Variants in CDH13 observed in about 807,000 individuals in gnomAD.
CDH13 encodes cadherin 13, also known as cadherin-13.
In CDH13, 24 loss-of-function variants were observed where a neutral mutation model predicts 63.8. The observed-to-expected ratio is 0.38, with a 90% CI of 0.27 to 0.53. CDH13 has a LOEUF of 0.53. Ranked by LOEUF, CDH13 falls within the 20% of genes least tolerant of loss-of-function variation. The pLI is 0.85. For missense variants in CDH13, 1,049 were observed against 903.1 expected, an observed-to-expected ratio of 1.16 and a Z score of -2.07; for synonymous variants, 503 against 355.3, an observed-to-expected ratio of 1.42 and a Z score of -4.67.
intron 3 of CDH13, among the ~76,000 whole-genome samples, chr16:83,092,088 A>C (rs986060386): frequency 2.6e-5 from 4 of 152,254 alleles, no homozygotes; most frequent in African/African-American, 9.6e-5. Flanking sequence ...GAACCATGAA[A>C]TAATAAGTAA....
At chr16:82,788,682 G>A (rs917456600) in intron 1 of CDH13, among the ~76,000 whole-genome samples, 2 of 152,190 alleles carry the variant, frequency 1.3e-5, no homozygotes, top group African/African-American at 4.8e-5. Context: ...GAATTTGGCA[G>A]AAGCCAGCAG....
chr16:82,648,853 A>G (rs899185870), intron 1 of CDH13, among the ~76,000 whole-genome samples: 1 of 152,234 alleles, frequency 6.6e-6, no homozygotes, highest in African/African-American at 2.4e-5. Context: ...TTTCAGAAAA[A>G]TTAATCTGGG....
chr16:82,776,069 G>A (rs1157435388), intron 1 of CDH13, among the ~76,000 whole-genome samples: 2 of 152,126 alleles, frequency 1.3e-5, no homozygotes, highest in African/African-American at 4.8e-5. Flanking sequence ...AATTAGCTGA[G>A]GACAGTGGTG....
At chr16:83,111,888 C>T (rs1029998245) in intron 3 of CDH13, among the ~76,000 whole-genome samples, 1 of 152,118 alleles carries the variant, frequency 6.6e-6, no homozygotes, top group African/African-American at 2.4e-5. Flanking sequence ...AGCATTCAGT[C>T]TTGTTTTCCT....
rs147259586 is a variant in CDH13 at position 83,114,777 on chromosome 16, G to A, written c.367-10608G>A. 7.2e-5 allele frequency among the ~76,000 whole-genome samples: 11 copies of A among 152,264 alleles called. No homozygotes were observed. The East Asian group carries it at 2.1e-3, about 29-fold the overall frequency. ...AGTAGGCAAACTTCAGCCCCAGGAG[G>A]CAATGAAGCAAACTTTAAATGTAGC... On this transcript the variant is annotated intron_variant, in intron 3 of 13. Coordinates refer to ENST00000567109, the MANE Select transcript of CDH13 (RefSeq NM_001257.5).
At chr16:83,544,032 A>T (rs1257188034) in intron 7 of CDH13, among the ~76,000 whole-genome samples, 2 of 152,118 alleles carry the variant, frequency 1.3e-5, no homozygotes, top group Admixed American at 6.5e-5. Flanking sequence ...TCTTTCAATC[A>T]CTACTGCAGT....
At chr16:83,759,923 G>T (rs1913822775) in intron 11 of CDH13, among the ~76,000 whole-genome samples, 1 of 122,324 alleles carries the variant, frequency 8.2e-6, no homozygotes. Flanking sequence ...GTGAGATCCT[G>T]TCTCAAAACC....
At chr16:83,242,865 A>T (rs973193343) in intron 5 of CDH13, among the ~76,000 whole-genome samples, 2 of 152,190 alleles carry the variant, frequency 1.3e-5, no homozygotes, top group Admixed American at 6.5e-5. Flanking sequence ...ACTCAGCTGG[A>T]TTCTCATCTT....
intron 2 of CDH13, among the ~76,000 whole-genome samples, chr16:82,979,705 T>A (rs1910005839): frequency 6.6e-6 from 1 of 152,220 alleles, no homozygotes; most frequent in African/African-American, 2.4e-5. Context: ...GTCTTAGGTA[T>A]GTCTCTATTA....
chr16:82,753,206 G>T (rs958052508), intron 1 of CDH13, among the ~76,000 whole-genome samples: 3 of 152,184 alleles, frequency 2.0e-5, no homozygotes, highest in Admixed American at 6.5e-5. Flanking sequence ...GACAGGTCGT[G>T]GTACAGAAGG....
intron 7 of CDH13, among the ~76,000 whole-genome samples, chr16:83,537,902 T>C (rs2075225154): frequency 6.6e-6 from 1 of 152,216 alleles, no homozygotes; most frequent in East Asian, 1.9e-4. Flanking sequence ...ATAGTGCCTA[T>C]TTCTCTATTG....
chr16:82,686,062 A>G (rs1328512095), intron 1 of CDH13, among the ~76,000 whole-genome samples: 1 of 152,192 alleles, frequency 6.6e-6, no homozygotes, highest in Non-Finnish European at 1.5e-5. Context: ...CTGCAAGTAG[A>G]AATGATAATC....
intron 3 of CDH13, among the ~76,000 whole-genome samples, chr16:83,073,795 A>G (rs1307987033): frequency 6.6e-6 from 1 of 152,076 alleles, no homozygotes; most frequent in East Asian, 1.9e-4. Context: ...TATATGTAAT[A>G]TATATAATAT....
chr16:83,603,914 G>A (rs1213433285), intron 8 of CDH13, among the ~76,000 whole-genome samples: 2 of 152,244 alleles, frequency 1.3e-5, no homozygotes, highest in Middle Eastern at 3.4e-3. Flanking sequence ...ATCTTCACAT[G>A]GAAGAGTAGG....
At chr16:82,864,600 C>G (rs139158648) in intron 2 of CDH13, among the ~76,000 whole-genome samples, 1 of 151,954 alleles carries the variant, frequency 6.6e-6, no homozygotes, top group Admixed American at 6.6e-5. Flanking sequence ...AAACTGCCCC[C>G]GTAATTCAGT....
rs575947413 is a variant in CDH13 at position 82,860,496 on chromosome 16, C to G, written c.157+2023C>G. Among the ~76,000 whole-genome samples, 138 of 151,134 alleles carry G rather than the reference C, an allele frequency of 9.1e-4. 3 individuals carry two copies. In the South Asian group the frequency reaches 0.028, roughly 30 times the overall value. Reference sequence around the variant, plus strand: ...AGTAAATGCTAAATGGGACTAGGTTCATTATCAATGATAACACATTCAGAA... The same window carrying G: ...AGTAAATGCTAAATGGGACTAGGTTGATTATCAATGATAACACATTCAGAA... On this transcript the variant is annotated intron_variant, in intron 2 of 13. Coordinates refer to ENST00000567109, the MANE Select transcript of CDH13 (RefSeq NM_001257.5).
chr16:82,907,215 G>C (rs1173153570), intron 2 of CDH13, among the ~76,000 whole-genome samples: 1 of 152,150 alleles, frequency 6.6e-6, no homozygotes, highest in African/African-American at 2.4e-5. Context: ...TTTAGTCACA[G>C]TAAAGGACAG....
chr16:82,876,459 G>C (rs1164955769), intron 2 of CDH13, among the ~76,000 whole-genome samples: 1 of 152,010 alleles, frequency 6.6e-6, no homozygotes, highest in Non-Finnish European at 1.5e-5. Flanking sequence ...TTTTTTCTTA[G>C]TAATATAATG....
intron 6 of CDH13, among the ~76,000 whole-genome samples, chr16:83,486,194 C>T (rs2073885014): frequency 6.6e-6 from 1 of 151,960 alleles, no homozygotes; most frequent in Non-Finnish European, 1.5e-5. Flanking sequence ...AATGAAAGCC[C>T]CTGAAAATAA....
Sources: gnomAD v4.1 joint callset for allele counts (sites outside exome capture counted in the v4.1 genomes callset) on GRCh38, gnomAD v4.1.1 for gene constraint, MANE v1.5 for transcripts, NCBI Gene and HGNC (gene_info 2026-07-23, HGNC 2026-07-21) for gene names.